HERC4: variants seen among roughly 807,000 people sequenced by gnomAD.
HERC4 encodes the protein HECT and RLD domain containing E3 ubiquitin protein ligase 4.
A neutral mutation model predicts 124.3 loss-of-function variants in HERC4; 28 were observed. The ratio of observed to expected loss-of-function variants is 0.23; its 90% CI spans 0.17 to 0.31. HERC4 has a LOEUF of 0.31. Among genes scored for constraint, HERC4 ranks in the 10% least tolerant of loss-of-function variants. HERC4 has a pLI of 1.00. For synonymous variants in HERC4, 407 were observed against 421.5 expected (o/e 0.97, Z 0.42); for missense variants, 713 against 1,229.3 (o/e 0.58, Z 6.28).
At chr10:68,045,981 A>G (rs909910532) in intron 3 of HERC4, among the ~76,000 whole-genome samples, 8 of 152,144 alleles carry the variant, frequency 5.3e-5, no homozygotes, top group African/African-American at 1.9e-4. Context: ...GCACAACTCT[A>G]ATGATGTATT....
intron 8 of HERC4, among the ~76,000 whole-genome samples, chr10:68,017,934 T>C (rs909178574): frequency 2.6e-5 from 4 of 152,196 alleles, no homozygotes; most frequent in African/African-American, 7.2e-5. Flanking sequence ...AAAAATAAAA[T>C]GCCAGGCACA....
rs1448757790 is a variant in HERC4, at chr10:67,929,024, G to C, written c.2838+3573C>G. Among the ~76,000 whole-genome samples the C allele has an allele frequency of 2.0e-5, 3 of 151,940 alleles. No homozygotes were observed. The East Asian group carries it at 5.8e-4, about 29-fold the overall frequency. ...TCATCAATTTATCTCCTTACTTTCT[G>C]TCTTCCAAAACTATTTCTTCTCTTG... On this transcript the variant is annotated intron_variant, in intron 23 of 24. Coordinates refer to ENST00000373700, the MANE Select transcript of HERC4 (RefSeq NM_015601.4).
chr10:67,933,187 A>C (rs536261499), intron 22 of HERC4, among the ~76,000 whole-genome samples: 1 of 152,330 alleles, frequency 6.6e-6, no homozygotes, highest in Non-Finnish European at 1.5e-5. Context: ...CTTTGGATTC[A>C]GATCATTTGA....
At chr10:67,939,118 T>C (rs1403149206) in intron 21 of HERC4, among the ~76,000 whole-genome samples, 2 of 152,230 alleles carry the variant, frequency 1.3e-5, no homozygotes, top group African/African-American at 4.8e-5. Flanking sequence ...TGAATGTTAG[T>C]ATGAAATAGA....
At chr10:67,939,128 A>G (rs1282825158) in intron 21 of HERC4, among the ~76,000 whole-genome samples, 2 of 152,230 alleles carry the variant, frequency 1.3e-5, no homozygotes, top group Admixed American at 6.5e-5. Flanking sequence ...TATGAAATAG[A>G]AAGGAATGTA....
intron 17 of HERC4, 103 bp from the exon 18 acceptor site, chr10:67,955,233 C>CAGTAG: frequency 1.0e-6 from 1 of 966,226 alleles, no homozygotes; most frequent in Non-Finnish European, 1.5e-6. Context: ...TTCTATAATT[C>CAGTAG]CTATGCTACT....
intron 15 of HERC4, among the ~76,000 whole-genome samples, chr10:67,970,015 A>G (rs1017113750): frequency 6.6e-6 from 1 of 152,210 alleles, no homozygotes; most frequent in African/African-American, 2.4e-5. Context: ...ACAAACATTC[A>G]CAAAAACCAT....
intron 19 of HERC4, among the ~76,000 whole-genome samples, chr10:67,943,227 T>TA (rs2033063325): frequency 2.0e-5 from 3 of 152,226 alleles, no homozygotes; most frequent in Non-Finnish European, 2.9e-5. Flanking sequence ...TCTGTTTAAG[T>TA]TTATAAAGTT....
chr10:67,997,694 T>C (rs2036972980), intron 9 of HERC4, among the ~76,000 whole-genome samples: 1 of 152,188 alleles, frequency 6.6e-6, no homozygotes, highest in Non-Finnish European at 1.5e-5. Flanking sequence ...ATCCTCTTGC[T>C]TTTCAAATTT....
chr10:68,047,783 GAATGCAA>G (rs1213010156), intron 3 of HERC4, among the ~76,000 whole-genome samples: 12 of 152,166 alleles, frequency 7.9e-5, no homozygotes, highest in South Asian at 4.1e-4. Context: ...CTGCTGGTGG[GAATGCAA>G]AATGGTACAG....
chr10:68,038,304 T>C (rs759262414), intron 4 of HERC4, 135 bp from the exon 5 acceptor site: 5 of 443,580 alleles, frequency 1.1e-5, no homozygotes, highest in African/African-American at 2.1e-5. Context: ...AAGCTCAATT[T>C]TAGCGTACCA....
intron 3 of HERC4, among the ~76,000 whole-genome samples, chr10:68,066,782 A>T (rs992971581): frequency 1.4e-4 from 21 of 152,200 alleles, no homozygotes; most frequent in African/African-American, 5.1e-4. Context: ...GCATTACCAT[A>T]GTTAAGTTTC....
intron 7 of HERC4, among the ~76,000 whole-genome samples, chr10:68,029,895 C>T (rs1272493817): frequency 2.0e-5 from 3 of 151,258 alleles, no homozygotes; most frequent in Admixed American, 6.6e-5. Flanking sequence ...CCTGCCACCA[C>T]GCCCGGCTAA....
Position 68,069,305 on chromosome 10 carries a change from C to A in HERC4, c.226+3578G>T, listed in dbSNP as rs1286068163. 4.1e-6 allele frequency: 4 copies of A among 971,296 alleles called. No individual in the cohort carries two copies. In the East Asian group the frequency reaches 4.6e-4, roughly 111 times the overall value. 60.2% of individuals were successfully genotyped at this position (971,296 alleles called of 1,614,324 possible). ...ATAAATTTAAAAATTGAGACATTAGCTTAAAAAGTATTTTAAAGTTCTTAT... is the reference window on the plus strand; with the variant it reads ...ATAAATTTAAAAATTGAGACATTAGATTAAAAAGTATTTTAAAGTTCTTAT... On this transcript the variant is annotated intron_variant, in intron 3 of 24. Coordinates refer to ENST00000373700, the MANE Select transcript of HERC4 (RefSeq NM_015601.4).
intron 23 of HERC4, among the ~76,000 whole-genome samples, chr10:67,928,879 C>T (rs1170113009): frequency 6.6e-6 from 1 of 151,998 alleles, no homozygotes; most frequent in Non-Finnish European, 1.5e-5. Context: ...CAAGATTGAG[C>T]CACTGCACTC....
intron 16 of HERC4, among the ~76,000 whole-genome samples, chr10:67,963,728 C>G (rs1344376898): frequency 6.6e-6 from 1 of 152,148 alleles, no homozygotes; most frequent in Non-Finnish European, 1.5e-5. Flanking sequence ...CTAGGGTACC[C>G]TGGTTGGTGT....
chr10:67,994,041 T>C (rs989170937), intron 9 of HERC4: 2 of 152,200 alleles, frequency 1.3e-5, no homozygotes, highest in Admixed American at 6.5e-5. Flanking sequence ...TCCATACAAA[T>C]ATGCAATTGT....
intron 22 of HERC4, among the ~76,000 whole-genome samples, chr10:67,933,305 A>G (rs1337909721): frequency 6.6e-6 from 1 of 152,168 alleles, no homozygotes; most frequent in Non-Finnish European, 1.5e-5. Flanking sequence ...ATCATTAAAG[A>G]GTACAAGTGT....
intron 9 of HERC4, among the ~76,000 whole-genome samples, chr10:68,003,315 C>A (rs2037343634): frequency 6.8e-6 from 1 of 147,566 alleles, no homozygotes; most frequent in Non-Finnish European, 1.5e-5. Context: ...GCGCCTGCCA[C>A]CATGCCTGAC....
Sources: gnomAD v4.1 joint callset for allele counts (sites outside exome capture counted in the v4.1 genomes callset) on GRCh38, gnomAD v4.1.1 for gene constraint, MANE v1.5 for transcripts, NCBI Gene and HGNC (gene_info 2026-07-23, HGNC 2026-07-21) for gene names.